The following ARL13B variants were observed in gnomAD, a reference collection of about 807,000 sequenced individuals.
ARL13B encodes ARF like GTPase 13B.
Under a neutral mutation model 56.1 loss-of-function variants are expected in ARL13B, and 36 were observed. The ratio of observed to expected loss-of-function variants is 0.64; its 90% CI spans 0.49 to 0.85. ARL13B has a LOEUF of 0.85. ARL13B is among the 40% of genes least tolerant of loss of function. The pLI is 0.00. For synonymous variants in ARL13B, 178 were observed against 171.1 expected, an observed-to-expected ratio of 1.04 and a Z score of -0.32; for missense variants, 519 against 507.1, an observed-to-expected ratio of 1.02 and a Z score of -0.23.
At chr3:94,016,839 G>A (rs1419326104) in intron 3 of ARL13B, among the ~76,000 whole-genome samples, 1 of 152,044 alleles carries the variant, frequency 6.6e-6, no homozygotes, top group Non-Finnish European at 1.5e-5. Flanking sequence ...TAGAGACAGG[G>A]TTTCACCATA....
At position 94,053,288 on chromosome 3, in the gene ARL13B, T is replaced by A; in HGVS notation, c.*25T>A. The A allele has an allele frequency of 6.3e-7, 1 of 1,595,276 alleles. No individual in the cohort carries two copies. Among genetic ancestry groups the A allele is most frequent in the Non-Finnish European group, 8.6e-7 (1 of 1,163,786 alleles). On this transcript the variant is annotated 3_prime_UTR_variant, in exon 10 of 10. Transcript: ENST00000394222. ...AACAAGACGTATGGAGGAGTTCTCT[T>A]AATATCAGCAAGGTGAACTGGGACA...
chr3:94,045,950 CAAAAAAAAAA>C (rs1199964643), intron 7 of ARL13B, among the ~76,000 whole-genome samples: 3 of 44,450 alleles, frequency 6.7e-5, no homozygotes, highest in Admixed American at 2.3e-4. Flanking sequence ...GACTCCATCA[CAAAAAAAAAA>C]AAAAAAAGAA....
At chr3:94,026,061 C>T (rs2076550535) in intron 3 of ARL13B, among the ~76,000 whole-genome samples, 2 of 151,252 alleles carry the variant, frequency 1.3e-5, no homozygotes, top group South Asian at 2.1e-4. Context: ...TCTCTGTCGC[C>T]CAGGCTGGAG....
chr3:94,025,651 G>A (rs2076541627), intron 3 of ARL13B, among the ~76,000 whole-genome samples: 1 of 152,100 alleles, frequency 6.6e-6, no homozygotes, highest in African/African-American at 2.4e-5. Context: ...ATCAATTATG[G>A]ATACATTGAG....
intron 6 of ARL13B, among the ~76,000 whole-genome samples, chr3:94,041,546 A>G (rs900582203): frequency 6.6e-6 from 1 of 152,214 alleles, no homozygotes; most frequent in Non-Finnish European, 1.5e-5. Context: ...AAAAAGGTGG[A>G]TAGATCTTAT....
chr3:93,993,962 T>G (rs907733949), intron 1 of ARL13B, among the ~76,000 whole-genome samples: 3 of 152,236 alleles, frequency 2.0e-5, no homozygotes, highest in African/African-American at 4.8e-5. Flanking sequence ...TATTGTGATT[T>G]ACCTTATTCT....
Position 94,053,200 on chromosome 3 carries a change from G to C in ARL13B, c.1224G>C (p.Lys408Asn). The part of the protein sequence containing the change: ...GETHHNDFYR[K>N]PLPPLAVPQR... ...TTCTTTTCTTAGATTTCTATAGGAAGCCACTGCCTCCCCTGGCTGTGCCAC... is the reference window on the plus strand; with the variant it reads ...TTCTTTTCTTAGATTTCTATAGGAACCCACTGCCTCCCCTGGCTGTGCCAC... Residue 408 changes from lysine (K) to asparagine (N), a missense_variant, in exon 10 of 10, where the codon AAG becomes AAC. By Grantham distance (94) the Lys-to-Asn change is moderately conservative. Coordinates refer to ENST00000394222, the MANE Select transcript of ARL13B (RefSeq NM_001174150.2). 1 of 1,612,380 alleles carries C rather than the reference G, an allele frequency of 6.2e-7. No individual in the cohort carries two copies. The highest frequency in any genetic ancestry group is 8.5e-7 in the Non-Finnish European group (1 of 1,179,642).
rs1261497719 is a variant in ARL13B at position 94,044,587 on chromosome 3, G to A, written c.1024+1347G>A. ...GCCTGGCCGCCACCGCATCTGGGAG[G>A]TGAGGAGCGTCTCTGCCCGGCCGCC... is the stretch of plus-strand genomic sequence containing the variant. On this transcript the variant is annotated intron_variant, in intron 7 of 9. Transcript: ENST00000394222. Among the ~76,000 whole-genome samples, 7 of 146,756 alleles carry A rather than the reference G, an allele frequency of 4.8e-5. No individual in the cohort carries two copies. The East Asian group carries it at 1.5e-3, about 31-fold the overall frequency.
At chr3:94,002,868 A>C (rs778299478) in intron 2 of ARL13B, among the ~76,000 whole-genome samples, 3 of 152,142 alleles carry the variant, frequency 2.0e-5, no homozygotes, top group Non-Finnish European at 4.4e-5. Context: ...ATTTGTTCAT[A>C]TTCCTTTACT....
Position 94,054,698 on chromosome 3 carries a change from TA to T in ARL13B, c.*1437del. The T allele has an allele frequency of 2.6e-6, 1 of 389,524 alleles. No individual in the cohort carries two copies. The highest frequency in any genetic ancestry group is 5.0e-6 in the Non-Finnish European group (1 of 200,344). 24.1% of individuals were successfully genotyped at this position (389,524 alleles called of 1,614,324 possible). On this transcript the variant is annotated 3_prime_UTR_variant, in exon 10 of 10. Transcript: ENST00000394222. ...TCACATTTTTTAACTCACTGAACTT[TA>T]ATAATCAGGTCACCTGTACTCTAGT...
rs551071006 is a variant in ARL13B, at chr3:94,015,364, A to G, written c.380+11456A>G. 11 of 1,025,056 alleles carry G rather than the reference A, an allele frequency of 1.1e-5. No individual in the cohort carries two copies. In the East Asian group the frequency reaches 1.8e-4, roughly 17 times the overall value. The allele number at this position is 1,025,056 out of a possible 1,614,324, so 63.5% of individuals were successfully genotyped here. A position where few individuals can be genotyped will look rare whatever the true frequency, so the allele number is the denominator to read the frequency against. ...AGCAGTTGACTTCACATAACTGTCT[A>G]TATCCCAGCAAAAGTTCTCCTAGTT... On this transcript the variant is annotated intron_variant, in intron 3 of 9. Coordinates refer to ENST00000394222, the MANE Select transcript of ARL13B (RefSeq NM_001174150.2).
chr3:93,996,045 C>A, intron 2 of ARL13B, 101 bp downstream of exon 2: 2 of 1,143,342 alleles, frequency 1.7e-6, no homozygotes, highest in African/African-American at 1.5e-5. Context: ...GGTACAGATA[C>A]TGTGCACTGC....
At position 94,043,258 on chromosome 3, in the gene ARL13B, TTAAAG is replaced by T. The variant is rs1443308353; in HGVS notation, c.1024+22_1024+26del. 1.9e-6 allele frequency: 3 copies of T among 1,589,364 alleles called. No homozygotes were observed. Among genetic ancestry groups the T allele is most frequent in the Admixed American group, 3.3e-5 (2 of 59,862 alleles). On this transcript the variant is annotated intron_variant, in intron 7 of 9. Coordinates refer to ENST00000394222, the MANE Select transcript of ARL13B (RefSeq NM_001174150.2). The stretch of plus-strand genomic sequence containing the variant: ...GGAATCAGGTAATAAATCTAGTTAT[TTAAAG>T]TAATTATCTTATGTATATATAAATA...
At chr3:94,011,346 T>G (rs945719393) in intron 3 of ARL13B, among the ~76,000 whole-genome samples, 4 of 152,116 alleles carry the variant, frequency 2.6e-5, no homozygotes, top group African/African-American at 9.7e-5. Flanking sequence ...TACATTAAAG[T>G]TATCATAACT....
At chr3:94,041,813 G>C (rs770191730) in intron 6 of ARL13B, among the ~76,000 whole-genome samples, 1 of 152,144 alleles carries the variant, frequency 6.6e-6, no homozygotes, top group Admixed American at 6.5e-5. Context: ...GGTGGCTCAC[G>C]CCTGTAATCC....
At chr3:94,050,213 T>C (rs2077047638) in intron 8 of ARL13B, among the ~76,000 whole-genome samples, 1 of 151,052 alleles carries the variant, frequency 6.6e-6, no homozygotes, top group Non-Finnish European at 1.5e-5. Flanking sequence ...TGAAAGTTAA[T>C]GTTTGAAACC....
chr3:94,022,589 ATAT>A (rs1391162168), intron 3 of ARL13B, among the ~76,000 whole-genome samples: 1 of 152,060 alleles, frequency 6.6e-6, no homozygotes, highest in Admixed American at 6.6e-5. Context: ...GACTACCCAA[ATAT>A]TATTTATATG....
chr3:94,049,321 A>T, intron 7 of ARL13B, 85 bp from the exon 8 acceptor site: 1 of 744,484 alleles, frequency 1.3e-6, no homozygotes, highest in Non-Finnish European at 2.3e-6. Flanking sequence ...TAATAATATC[A>T]GTATTCTTGT....
chr3:94,046,285 T>C (rs2076983264), intron 7 of ARL13B, among the ~76,000 whole-genome samples: 1 of 152,182 alleles, frequency 6.6e-6, no homozygotes, highest in Non-Finnish European at 1.5e-5. Flanking sequence ...CTCCCCTCTC[T>C]ACTTCTCCAC....
Sources: gnomAD v4.1 joint callset for allele counts (sites outside exome capture counted in the v4.1 genomes callset) on GRCh38, gnomAD v4.1.1 for gene constraint, MANE v1.5 for transcripts, NCBI Gene and HGNC (gene_info 2026-07-23, HGNC 2026-07-21) for gene names.